ASTN2: variants seen among roughly 807,000 people sequenced by gnomAD.
The protein encoded by ASTN2 is astrotactin-2.
In ASTN2, 54 loss-of-function variants were observed where a neutral mutation model predicts 139.8. The ratio of observed to expected loss-of-function variants is 0.39; its 90% CI spans 0.31 to 0.48. The LOEUF is 0.48. Among genes scored for constraint, ASTN2 ranks in the 20% least tolerant of loss-of-function variants. The pLI, the probability that ASTN2 is intolerant of heterozygous loss-of-function variation, is 0.95. For missense variants in ASTN2, 1,565 were observed against 1,725.1 expected (o/e 0.91, Z 1.64); for synonymous variants, 756 against 719.5 (o/e 1.05, Z -0.81).
intron 13 of ASTN2, among the ~76,000 whole-genome samples, chr9:116,739,485 T>C (rs1829039596): frequency 2.9e-5 from 1 of 34,590 alleles, no homozygotes; most frequent in African/African-American, 5.5e-5. Flanking sequence ...GAATTTGCCC[T>C]CCCTCTGGAA....
At chr9:116,627,464 AT>A (rs1351623578) in intron 17 of ASTN2, among the ~76,000 whole-genome samples, 1 of 152,190 alleles carries the variant, frequency 6.6e-6, no homozygotes, top group Non-Finnish European at 1.5e-5. Flanking sequence ...AGTTGCCTGC[AT>A]TTGGTCCTGG....
chr9:117,222,165 C>T (rs890934238), intron 2 of ASTN2, among the ~76,000 whole-genome samples: 4 of 152,164 alleles, frequency 2.6e-5, no homozygotes, highest in African/African-American at 9.7e-5. Context: ...GTAACTAAGG[C>T]ACACATGGAA....
At chr9:116,461,596 T>C (rs919336649) in intron 20 of ASTN2, among the ~76,000 whole-genome samples, 13 of 152,080 alleles carry the variant, frequency 8.5e-5, no homozygotes, top group Non-Finnish European at 8.8e-5. Context: ...TGTGATTTTT[T>C]TCCATCCAGT....
intron 16 of ASTN2, among the ~76,000 whole-genome samples, chr9:116,665,292 T>C (rs1211715602): frequency 6.6e-6 from 1 of 152,212 alleles, no homozygotes. Context: ...ATTACCTGTC[T>C]GTTGTGGGCT....
intron 16 of ASTN2, among the ~76,000 whole-genome samples, chr9:116,710,183 C>T (rs1359606211): frequency 1.3e-5 from 2 of 152,162 alleles, no homozygotes; most frequent in African/African-American, 4.8e-5. Context: ...ACACCCCTCA[C>T]CTCCCAATCC....
intron 19 of ASTN2, among the ~76,000 whole-genome samples, chr9:116,518,001 T>C (rs924030326): frequency 1.3e-5 from 2 of 152,246 alleles, no homozygotes; most frequent in East Asian, 1.9e-4. Context: ...CCAAGAAATT[T>C]GGGACTATGC....
intron 3 of ASTN2, among the ~76,000 whole-genome samples, chr9:117,175,257 A>C (rs1830888850): frequency 6.6e-6 from 1 of 152,130 alleles, no homozygotes; most frequent in African/African-American, 2.4e-5. Context: ...AGTCTGTGAT[A>C]TATGTATAGA....
chr9:117,348,324 C>A (rs1829286579), intron 1 of ASTN2, among the ~76,000 whole-genome samples: 1 of 152,202 alleles, frequency 6.6e-6, no homozygotes, highest in Non-Finnish European at 1.5e-5. Context: ...AACTCTATTT[C>A]TCTTTTAACT....
At chr9:117,156,338 G>A (rs1206524285) in intron 3 of ASTN2, among the ~76,000 whole-genome samples, 2 of 152,012 alleles carry the variant, frequency 1.3e-5, no homozygotes, top group African/African-American at 4.8e-5. Flanking sequence ...TTTAACAGAT[G>A]GGAAAACTGA....
intron 17 of ASTN2, among the ~76,000 whole-genome samples, chr9:116,638,071 A>C (rs894643803): frequency 6.6e-6 from 1 of 152,234 alleles, no homozygotes; most frequent in Admixed American, 6.5e-5. Flanking sequence ...AAAAGAATCA[A>C]GTAATACATA....
chr9:116,863,881 A>G (rs1249908899), intron 10 of ASTN2, 148 bp from the exon 11 acceptor site: 2 of 901,648 alleles, frequency 2.2e-6, no homozygotes, highest in Non-Finnish European at 3.2e-6. Flanking sequence ...GGAAACAACA[A>G]CAGGTATACC....
At chr9:116,697,525 A>G (rs1313559500) in intron 16 of ASTN2, 1 of 598,142 alleles carries the variant, frequency 1.7e-6, no homozygotes, top group Non-Finnish European at 2.9e-6. Flanking sequence ...CACGTGACAT[A>G]TAATAGACCT....
intron 1 of ASTN2, among the ~76,000 whole-genome samples, chr9:117,399,023 A>G: frequency 6.6e-6 from 1 of 152,162 alleles, no homozygotes; most frequent in Admixed American, 6.5e-5. Context: ...ACACCTTGTG[A>G]TCTGCCCACC....
intron 19 of ASTN2, among the ~76,000 whole-genome samples, chr9:116,536,093 C>T (rs1034895020): frequency 3.3e-5 from 5 of 151,936 alleles, no homozygotes; most frequent in Non-Finnish European, 7.4e-5. Context: ...CTTCTTGCTT[C>T]ATTTCATTCA....
intron 19 of ASTN2, among the ~76,000 whole-genome samples, chr9:116,587,643 C>T (rs2131726030): frequency 6.6e-6 from 1 of 152,244 alleles, no homozygotes; most frequent in African/African-American, 2.4e-5. Flanking sequence ...ACAGCAGGAG[C>T]AAGAATCCTT....
At chr9:117,101,245 T>C (rs962527272) in intron 4 of ASTN2, among the ~76,000 whole-genome samples, 2 of 152,184 alleles carry the variant, frequency 1.3e-5, no homozygotes, top group African/African-American at 4.8e-5. Flanking sequence ...AGTATCCATA[T>C]AATCTGAAGG....
At chr9:117,165,487 CT>C (rs1415285190) in intron 3 of ASTN2, among the ~76,000 whole-genome samples, 1 of 152,188 alleles carries the variant, frequency 6.6e-6, no homozygotes, top group African/African-American at 2.4e-5. Context: ...TCCCATACCT[CT>C]AAACTGCGGC....
At chr9:116,490,303 A>AAAAAAAAAAAAAAAAAAAAAAG (rs1564314423) in intron 19 of ASTN2, among the ~76,000 whole-genome samples, 3 of 104,516 alleles carry the variant, frequency 2.9e-5, no homozygotes, top group East Asian at 3.2e-4. Flanking sequence ...AAAAAAAAAA[A>AAAAAAAAAAAAAAAAAAAAAAG]GGGGGCATTG....
intron 5 of ASTN2, among the ~76,000 whole-genome samples, chr9:117,071,654 A>G (rs1828131811): frequency 4.7e-5 from 7 of 148,854 alleles, no homozygotes; most frequent in Non-Finnish European, 9.0e-5. Context: ...TGTGCTAGCA[A>G]TCAGCGAGAT....
Sources: gnomAD v4.1 joint callset for allele counts (sites outside exome capture counted in the v4.1 genomes callset) on GRCh38, gnomAD v4.1.1 for gene constraint, MANE v1.5 for transcripts, NCBI Gene and HGNC (gene_info 2026-07-23, HGNC 2026-07-21) for gene names.